Variants in AGFG1 observed in about 807,000 individuals in gnomAD.
AGFG1 encodes the protein ArfGAP with FG repeats 1.
In AGFG1, 10 loss-of-function variants were observed where a neutral mutation model predicts 60.6. The ratio of observed to expected loss-of-function variants is 0.16; its 90% confidence interval spans 0.10 to 0.28. AGFG1 has a LOEUF of 0.28. AGFG1 is among the 10% of genes least tolerant of loss of function. AGFG1 has a pLI of 1.00. For synonymous variants in AGFG1, 247 were observed against 242.9 expected, an observed-to-expected ratio of 1.02 and a Z score of -0.16; for missense variants, 537 against 676.5, an observed-to-expected ratio of 0.79 and a Z score of 2.29.
intron 1 of AGFG1, among the ~76,000 whole-genome samples, chr2:227,475,175 T>G (rs754274706): frequency 2.6e-5 from 4 of 152,214 alleles, no homozygotes; most frequent in African/African-American, 9.7e-5. Context: ...GTTTATTGAT[T>G]GATTTTAAAG....
At chr2:227,511,813 A>G (rs188598259) in intron 2 of AGFG1, among the ~76,000 whole-genome samples, 1 of 152,246 alleles carries the variant, frequency 6.6e-6, no homozygotes, top group East Asian at 1.9e-4. Context: ...AAATTATGAG[A>G]TAAAGGTAGT....
At chr2:227,491,244 T>G (rs1193939850) in intron 1 of AGFG1, among the ~76,000 whole-genome samples, 1 of 152,202 alleles carries the variant, frequency 6.6e-6, no homozygotes, top group Non-Finnish European at 1.5e-5. Context: ...AGTCTTTTCA[T>G]CAGAAACACA....
intron 2 of AGFG1, among the ~76,000 whole-genome samples, chr2:227,499,198 A>G (rs774816121): frequency 1.8e-4 from 27 of 152,240 alleles, no homozygotes; most frequent in Non-Finnish European, 2.5e-4. Context: ...TAATCTAGTC[A>G]TCTGGTCAGT....
At position 227,559,742 on chromosome 2, in the gene AGFG1, TGAGTG is replaced by T. The variant is rs1053998584; in HGVS notation, c.*5251_*5255del. The T allele has an allele frequency of 2.0e-5, 3 of 152,118 alleles. No homozygotes were observed. The highest frequency in any genetic ancestry group is 4.8e-5 in the African/African-American group (2 of 41,432). The allele number at this position is 152,118 out of a possible 1,614,324, so 9.4% of individuals were successfully genotyped here. On this transcript the variant is annotated 3_prime_UTR_variant, in exon 13 of 13. Transcript: ENST00000310078. ...AATTCTCAGCATCTTCCCTCATTCTTGAGTGGAGAGACAGAGGAAGCAAACGCCAA... is the reference window on the plus strand; with the variant it reads ...AATTCTCAGCATCTTCCCTCATTCTTGAGAGACAGAGGAAGCAAACGCCAA...
At chr2:227,553,187 GAATGA>G (rs1692872867) in intron 11 of AGFG1, among the ~76,000 whole-genome samples, 2 of 151,894 alleles carry the variant, frequency 1.3e-5, no homozygotes, top group African/African-American at 4.8e-5. Context: ...AGACAAGTTA[GAATGA>G]AAGAGCTGAA....
chr2:227,479,383 A>T (rs1200555078), intron 1 of AGFG1, among the ~76,000 whole-genome samples: 1 of 152,236 alleles, frequency 6.6e-6, no homozygotes, highest in Non-Finnish European at 1.5e-5. Context: ...AATACAGTTT[A>T]GATTAAATTT....
At position 227,472,385 on chromosome 2, in the gene AGFG1, C is replaced by G. The variant is rs1348404025; in HGVS notation, c.-37C>G. On this transcript the variant is annotated 5_prime_UTR_variant, in exon 1 of 13. Transcript: ENST00000310078. The stretch of plus-strand genomic sequence containing the variant: ...GCCCCCGGCGCAGCGCTGCCCGGCT[C>G]CCGGCCCTGCCGGCCTCCTCCCTTG... The G allele has an allele frequency of 4.5e-6, 6 of 1,329,916 alleles. No homozygotes were observed. The highest frequency in any genetic ancestry group is 2.5e-4 in the Middle Eastern group (1 of 3,940). 82.4% of individuals were successfully genotyped at this position (1,329,916 alleles called of 1,614,324 possible). A position where few individuals can be genotyped will look rare whatever the true frequency, so the allele number is the denominator to read the frequency against.
chr2:227,554,546 C>G lies in AGFG1; in HGVS notation c.*51C>G. ...GAACTTTTATGTGGTCACATTACATCTCTCCACCTCTTGCACTGTTGTCTT... is the reference window on the plus strand; with the variant it reads ...GAACTTTTATGTGGTCACATTACATGTCTCCACCTCTTGCACTGTTGTCTT... On this transcript the variant is annotated 3_prime_UTR_variant, in exon 13 of 13. Transcript: ENST00000310078. 1 of 1,405,034 alleles carries G rather than the reference C, an allele frequency of 7.1e-7. No homozygotes were observed. 87.0% of individuals were successfully genotyped at this position (1,405,034 alleles called of 1,614,324 possible). A position where few individuals can be genotyped will look rare whatever the true frequency, so the allele number is the denominator to read the frequency against.
intron 2 of AGFG1, among the ~76,000 whole-genome samples, chr2:227,501,394 A>G (rs1001978151): frequency 6.6e-6 from 1 of 152,180 alleles, no homozygotes; most frequent in Non-Finnish European, 1.5e-5. Context: ...TATATCTATC[A>G]TTAATTAGAA....
chr2:227,519,327 G>GT (rs1691756944), intron 2 of AGFG1, among the ~76,000 whole-genome samples: 1 of 152,070 alleles, frequency 6.6e-6, no homozygotes, highest in Non-Finnish European at 1.5e-5. Context: ...TTGAAGAATA[G>GT]TTTTTTATTT....
At chr2:227,479,708 TC>T (rs1690398653) in intron 1 of AGFG1, among the ~76,000 whole-genome samples, 1 of 152,252 alleles carries the variant, frequency 6.6e-6, no homozygotes, top group Admixed American at 6.5e-5. Context: ...GTGATGATTG[TC>T]TAGGGAAATA....
intron 3 of AGFG1, among the ~76,000 whole-genome samples, chr2:227,521,889 A>G (rs983862375): frequency 1.2e-4 from 19 of 152,224 alleles, no homozygotes; most frequent in Admixed American, 3.3e-4. Context: ...GAGAAACAGG[A>G]TAATAAGAGT....
chr2:227,487,914 C>T (rs1249839068), intron 1 of AGFG1, among the ~76,000 whole-genome samples: 1 of 152,196 alleles, frequency 6.6e-6, no homozygotes, highest in Admixed American at 6.5e-5. Context: ...AATCCATGTA[C>T]AGCCTTGCAC....
chr2:227,528,504 T>G (rs1486490426), intron 5 of AGFG1, among the ~76,000 whole-genome samples: 2 of 152,226 alleles, frequency 1.3e-5, no homozygotes, highest in Non-Finnish European at 2.9e-5. Context: ...GTTTGAGTGC[T>G]GGTAAAAAGA....
chr2:227,520,132 C>G lies in AGFG1; in HGVS notation c.377+69C>G, dbSNP rs1028440189. 4.4e-6 allele frequency: 4 copies of G among 901,440 alleles called. No homozygotes were observed. The African/African-American group carries it at 5.3e-5, about 12-fold the overall frequency. 55.8% of individuals were successfully genotyped at this position (901,440 alleles called of 1,614,324 possible). The stretch of plus-strand genomic sequence containing the variant: ...CATATTAACTATGGGTAAGGTTAGT[C>G]TGACACAATGAAGGATAAAAGACAG... On this transcript the variant is annotated intron_variant, in intron 3 of 12. Coordinates refer to ENST00000310078, the MANE Select transcript of AGFG1 (RefSeq NM_004504.5).
intron 11 of AGFG1, among the ~76,000 whole-genome samples, chr2:227,553,382 G>A (rs530047154): frequency 6.6e-6 from 1 of 151,752 alleles, no homozygotes; most frequent in Non-Finnish European, 1.5e-5. Flanking sequence ...TGTAGTTCCA[G>A]CTACTCGGGA....
At chr2:227,500,814 C>CA (rs1285277077) in intron 2 of AGFG1, among the ~76,000 whole-genome samples, 3 of 151,430 alleles carry the variant, frequency 2.0e-5, no homozygotes, top group African/African-American at 7.3e-5. Flanking sequence ...TTTTTTGAGA[C>CA]AGAGTTTCGC....
chr2:227,537,004 G>T lies in AGFG1; in HGVS notation c.1378+11G>T. 6.2e-7 allele frequency: 1 copy of T among 1,608,018 alleles called. No homozygotes were observed. The highest frequency in any genetic ancestry group is 1.1e-5 in the South Asian group (1 of 90,370). ...CCAGAGGAGCAACAGGTAAGAAAAA[G>T]AGACAGTGGAACAGTAAGTTTTGGG... On this transcript the variant is annotated intron_variant, in intron 10 of 12. Coordinates refer to ENST00000310078, the MANE Select transcript of AGFG1 (RefSeq NM_004504.5).
At chr2:227,490,535 G>A (rs1215062743) in intron 1 of AGFG1, among the ~76,000 whole-genome samples, 3 of 146,694 alleles carry the variant, frequency 2.0e-5, no homozygotes, top group African/African-American at 5.1e-5. Flanking sequence ...CCGAGACTGC[G>A]CCACTGCACT....
Sources: gnomAD v4.1 joint callset for allele counts (sites outside exome capture counted in the v4.1 genomes callset) on GRCh38, gnomAD v4.1.1 for gene constraint, MANE v1.5 for transcripts, NCBI Gene and HGNC (gene_info 2026-07-23, HGNC 2026-07-21) for gene names.